GPAM: variants seen among roughly 807,000 people sequenced by gnomAD.
GPAM encodes glycerol-3-phosphate acyltransferase, mitochondrial.
Under a neutral mutation model 105.0 loss-of-function variants are expected in GPAM, and 56 were observed. The ratio of observed to expected loss-of-function variants is 0.53; its 90% CI spans 0.43 to 0.67. The LOEUF (loss-of-function observed/expected upper bound fraction) is 0.67. Among genes scored for constraint, GPAM ranks in the 30% least tolerant of loss-of-function variants. GPAM has a pLI of 0.00. For synonymous variants in GPAM, 368 were observed against 354.4 expected, an observed-to-expected ratio of 1.04 and a Z score of -0.43; for missense variants, 855 against 989.8, an observed-to-expected ratio of 0.86 and a Z score of 1.83.
upstream of GPAM, among the ~76,000 whole-genome samples, chr10:112,184,146 G>A (rs1847561298): frequency 6.6e-6 from 1 of 152,098 alleles, no homozygotes; most frequent in Non-Finnish European, 1.5e-5. Flanking sequence ...GAGAGGCAGG[G>A]ATTGCAAATG....
chr10:112,161,696 C>A lies in GPAM; in HGVS notation c.1465G>T (p.Ala489Ser), dbSNP rs1462448558. 6.2e-7 allele frequency: 1 copy of A among 1,613,966 alleles called. No individual in the cohort carries two copies. The highest frequency in any genetic ancestry group is 1.3e-5 in the African/African-American group (1 of 74,938). Residue 489 changes from alanine (A) to serine (S), a missense_variant, in exon 15 of 22, where the codon GCT becomes TCT. By Grantham distance (99) the Ala-to-Ser change is moderately conservative. Transcript: ENST00000348367. ...SCAIMSTHIV[A>S]CLLLYRHRQG... ...CTGTGTCTGTAGAGGAGCAGGCAAG[C>A]CACAATGTGTGTGGACATAATGGCA...
Position 112,152,142 on chromosome 10 carries a change from T to C in GPAM, c.*1408A>G. ...AGTACAAACTTAATTCTCAGTACTT[T>C]TATACTAAATTCAAAGAATCTATGT... On this transcript the variant is annotated 3_prime_UTR_variant, in exon 22 of 22. Coordinates refer to ENST00000348367, the MANE Select transcript of GPAM (RefSeq NM_001244949.2). 2.1e-6 allele frequency: 2 copies of C among 971,816 alleles called. No individual in the cohort carries two copies. The highest frequency in any genetic ancestry group is 2.4e-6 in the Non-Finnish European group (2 of 817,654). 60.2% of individuals were successfully genotyped at this position (971,816 alleles called of 1,614,324 possible).
intron 11 of GPAM, among the ~76,000 whole-genome samples, chr10:112,166,778 T>C (rs1847225436): frequency 6.6e-6 from 1 of 152,204 alleles, no homozygotes; most frequent in South Asian, 2.1e-4. Context: ...TAGTATCATG[T>C]TCACACAATT....
rs563400573 is a variant in GPAM, at chr10:112,182,190, G to T, written c.-29-377C>A. On this transcript the variant is annotated intron_variant, in intron 2 of 21. Coordinates refer to ENST00000348367, the MANE Select transcript of GPAM (RefSeq NM_001244949.2). ...TATCCAAACAAAATAGCTATGAATA[G>T]TCATTTGCAAATGAAAATAAGAGCT... Among the ~76,000 whole-genome samples the T allele has an allele frequency of 7.9e-5, 12 of 152,252 alleles. No individual in the cohort carries two copies. In the South Asian group the frequency reaches 1.2e-3, roughly 16 times the overall value.
chr10:112,190,466 C>T (rs1415365132), intron 1 of GPAM, among the ~76,000 whole-genome samples: 3 of 150,886 alleles, frequency 2.0e-5, no homozygotes, highest in African/African-American at 7.3e-5. Context: ...TGCCACTGCA[C>T]CCCAGCCTGG....
At chr10:112,203,678 C>T (rs1847826072) in intron 1 of GPAM, among the ~76,000 whole-genome samples, 1 of 152,138 alleles carries the variant, frequency 6.6e-6, no homozygotes, top group African/African-American at 2.4e-5. Flanking sequence ...TTCTAGTGAG[C>T]ACTTAGTATT....
At chr10:112,225,720 C>T in the GPAM span, among the ~76,000 whole-genome samples, 1 of 152,168 alleles carries the variant, frequency 6.6e-6, no homozygotes, top group Non-Finnish European at 1.5e-5. Flanking sequence ...TCTGTCCCTG[C>T]TACCTGCCTT....
At chr10:112,211,320 C>T (rs887682363) in intron 1 of GPAM, among the ~76,000 whole-genome samples, 4 of 152,152 alleles carry the variant, frequency 2.6e-5, no homozygotes, top group Admixed American at 1.3e-4. Flanking sequence ...CTGGATCTAA[C>T]CTGCCATCAA....
chr10:112,178,672 T>C (rs1035373772), intron 4 of GPAM, among the ~76,000 whole-genome samples: 6 of 152,324 alleles, frequency 3.9e-5, no homozygotes, highest in Non-Finnish European at 7.3e-5. Flanking sequence ...GCTACAAGAA[T>C]GTCAGAGATT....
chr10:112,220,263 G>A (rs558003761), upstream of GPAM, among the ~76,000 whole-genome samples: 1 of 151,660 alleles, frequency 6.6e-6, no homozygotes, highest in South Asian at 2.1e-4. Flanking sequence ...CCTAGCCTCT[G>A]AATGTTTCGG....
Position 112,150,659 on chromosome 10 carries a change from T to C in GPAM, c.*2891A>G, listed in dbSNP as rs1846899269. On this transcript the variant is annotated 3_prime_UTR_variant, in exon 22 of 22. Transcript: ENST00000348367. ...AAAAAGGTCCTGGTGTCAAAATAGT[T>C]TGGGCAATGCTGGGTTAGACAGTTT... The C allele has an allele frequency of 3.3e-6, 3 of 904,858 alleles. No homozygotes were observed. Among genetic ancestry groups the C allele is most frequent in the Non-Finnish European group, 4.0e-6 (3 of 756,446 alleles). 56.1% of individuals were successfully genotyped at this position (904,858 alleles called of 1,614,324 possible). A position where few individuals can be genotyped will look rare whatever the true frequency, so the allele number is the denominator to read the frequency against.
chr10:112,178,105 C>T (rs368317494), intron 4 of GPAM, 48 bp from the exon 5 acceptor site: 30 of 902,112 alleles, frequency 3.3e-5, no homozygotes, highest in South Asian at 1.2e-4. Context: ...ACTAGATTGA[C>T]GGTGAAGAGC....
intron 10 of GPAM, 41 bp from the exon 11 acceptor site, chr10:112,168,565 C>G (rs1261477096): frequency 7.7e-7 from 1 of 1,305,772 alleles, no homozygotes; most frequent in Admixed American, 1.7e-5. Flanking sequence ...TTCAAGACCA[C>G]TCAACTTAGA....
intron 1 of GPAM, chr10:112,214,360 T>C (rs1847945949): frequency 6.6e-6 from 1 of 152,184 alleles, no homozygotes; most frequent in Admixed American, 6.5e-5. Flanking sequence ...AACAAAAGTA[T>C]TGATTTCCTT....
chr10:112,172,207 T>A lies in GPAM; in HGVS notation c.769A>T (p.Asn257Tyr). ...CTGAAGATTGGGATGTTGAGATTATTGCCTGAAGCAATGTATGGTGCTTTG... is the reference window on the plus strand; with the variant it reads ...CTGAAGATTGGGATGTTGAGATTATAGCCTGAAGCAATGTATGGTGCTTTG... ...NIKAPYIASG[N>Y]NLNIPIFSTL... The change falls in exon 9 of 22, where the codon AAT (asparagine) becomes TAT (tyrosine). Residue 257 changes from asparagine (N) to tyrosine (Y), a missense_variant. By Grantham distance (143) the Asn-to-Tyr change is moderately radical. Coordinates refer to ENST00000348367, the MANE Select transcript of GPAM (RefSeq NM_001244949.2). The A allele has an allele frequency of 6.2e-7, 1 of 1,609,948 alleles. No individual in the cohort carries two copies. The highest frequency in any genetic ancestry group is 8.5e-7 in the Non-Finnish European group (1 of 1,176,256).
In GPAM at chr10:112,177,966, T is replaced by G. The variant is rs747977458; in HGVS notation, c.299+18A>C. ...TTTCTTTTGAGATGTATTAAAAACA[T>G]AAGAAATTTCTTTTTACCTTGTGTG... is the stretch of plus-strand genomic sequence containing the variant. On this transcript the variant is annotated intron_variant, in intron 5 of 21. Coordinates refer to ENST00000348367, the MANE Select transcript of GPAM (RefSeq NM_001244949.2). 4.0e-5 allele frequency: 55 copies of G among 1,388,386 alleles called. No individual in the cohort carries two copies. In the Admixed American group the frequency reaches 5.5e-4, roughly 14 times the overall value. 86.0% of individuals were successfully genotyped at this position (1,388,386 alleles called of 1,614,324 possible). A position where few individuals can be genotyped will look rare whatever the true frequency, so the allele number is the denominator to read the frequency against.
upstream of GPAM, among the ~76,000 whole-genome samples, chr10:112,184,080 G>A (rs1847560282): frequency 6.6e-6 from 1 of 152,192 alleles, no homozygotes; most frequent in Non-Finnish European, 1.5e-5. Context: ...CAGGTTATGT[G>A]TGTGGTCTGA....
intron 5 of GPAM, among the ~76,000 whole-genome samples, chr10:112,175,995 T>A (rs1488216668): frequency 6.6e-6 from 1 of 152,218 alleles, no homozygotes; most frequent in Non-Finnish European, 1.5e-5. Flanking sequence ...AATAAGAACA[T>A]CTGGCTTTAT....
At chr10:112,183,834 C>A (rs1188728719), upstream of GPAM, 1 of 152,308 alleles carries the variant, frequency 6.6e-6, no homozygotes, top group Non-Finnish European at 1.5e-5. Context: ...GGGGGCGGGG[C>A]CCGGCCTGCG....
Sources: gnomAD v4.1 joint callset for allele counts (sites outside exome capture counted in the v4.1 genomes callset) on GRCh38, gnomAD v4.1.1 for gene constraint, MANE v1.5 for transcripts, NCBI Gene and HGNC (gene_info 2026-07-23, HGNC 2026-07-21) for gene names.